Variants in ZNF385D observed in about 807,000 individuals in gnomAD.
ZNF385D encodes the protein zinc finger protein 385D, also known as zinc finger protein 659.
In ZNF385D, 15 loss-of-function variants were observed where a neutral mutation model predicts 35.8. That is an observed-to-expected ratio of 0.42 (90% CI 0.28 to 0.64). The LOEUF (loss-of-function observed/expected upper bound fraction) is 0.64, where lower values mean the gene tolerates loss of function less well. Among genes scored for constraint, ZNF385D ranks in the 30% least tolerant of loss-of-function variants. The pLI is 0.23. For synonymous variants in ZNF385D, 212 were observed against 186.8 expected (o/e 1.13, Z -1.10); for missense variants, 474 against 494.6 (o/e 0.96, Z 0.39).
At chr3:22,002,807 T>C (rs1035845769) in intron 3 of ZNF385D, among the ~76,000 whole-genome samples, 9 of 152,304 alleles carry the variant, frequency 5.9e-5, no homozygotes, top group Non-Finnish European at 1.2e-4. Flanking sequence ...AGAAACATGA[T>C]ACATTACATT....
intron 2 of ZNF385D, among the ~76,000 whole-genome samples, chr3:22,367,029 T>C (rs575155559): frequency 1.1e-4 from 17 of 152,182 alleles, no homozygotes; most frequent in Non-Finnish European, 2.5e-4. Flanking sequence ...ATTTCAAACA[T>C]CTGGCTCTAG....
chr3:22,248,132 C>T (rs1004175458), intron 2 of ZNF385D, among the ~76,000 whole-genome samples: 3 of 152,144 alleles, frequency 2.0e-5, no homozygotes, highest in African/African-American at 7.2e-5. Context: ...TGTTTTCTGG[C>T]ATCAGGCAAA....
intron 3 of ZNF385D, among the ~76,000 whole-genome samples, chr3:22,094,395 T>TATATATATCAACAATATATATTGTTG (rs1701500570): frequency 4.4e-5 from 6 of 136,304 alleles, no homozygotes; most frequent in East Asian, 4.2e-4. Context: ...GATATATATA[T>TATATATATCAACAATATATATTGTTG]ATATATATAT....
intron 2 of ZNF385D, among the ~76,000 whole-genome samples, chr3:21,651,717 A>G (rs1253995958): frequency 1.3e-5 from 2 of 152,164 alleles, no homozygotes; most frequent in Non-Finnish European, 2.9e-5. Context: ...AGTGGGATTA[A>G]TGAGCCTTGC....
chr3:21,986,910 T>C (rs1282863386), intron 3 of ZNF385D, among the ~76,000 whole-genome samples: 2 of 41,736 alleles, frequency 4.8e-5, no homozygotes, highest in Non-Finnish European at 9.0e-5. Flanking sequence ...TTGATCCCTT[T>C]ACCATTATGT....
At chr3:22,254,072 G>A (rs1576569884) in intron 2 of ZNF385D, among the ~76,000 whole-genome samples, 1 of 151,536 alleles carries the variant, frequency 6.6e-6, no homozygotes, top group Non-Finnish European at 1.5e-5. Context: ...CACACAATGG[G>A]GAAAATATTT....
intron 2 of ZNF385D, among the ~76,000 whole-genome samples, chr3:21,642,618 G>A (rs373168392): frequency 3.9e-5 from 6 of 152,060 alleles, no homozygotes; most frequent in Admixed American, 1.3e-4. Context: ...TAACAGTATC[G>A]AAAGTGGTGA....
chr3:22,365,246 TTA>T (rs926938715), intron 2 of ZNF385D, among the ~76,000 whole-genome samples: 3 of 152,030 alleles, frequency 2.0e-5, no homozygotes, highest in African/African-American at 7.2e-5. Context: ...ACATTTCATA[TTA>T]TATATATTTA....
At chr3:22,270,722 G>C (rs1346303125) in intron 2 of ZNF385D, among the ~76,000 whole-genome samples, 1 of 151,826 alleles carries the variant, frequency 6.6e-6, no homozygotes, top group East Asian at 1.9e-4. Flanking sequence ...TTTACTGATA[G>C]AGTTGTACAA....
chr3:22,058,504 C>G (rs1181386346), intron 3 of ZNF385D, among the ~76,000 whole-genome samples: 1 of 152,136 alleles, frequency 6.6e-6, no homozygotes, highest in Non-Finnish European at 1.5e-5. Context: ...CAAAGTGAGG[C>G]AATGTTTCCA....
intron 2 of ZNF385D, among the ~76,000 whole-genome samples, chr3:22,352,628 T>C (rs1695968564): frequency 6.6e-6 from 1 of 152,208 alleles, no homozygotes. Flanking sequence ...CAGGTCTCTA[T>C]AACTTCCTAT....
intron 3 of ZNF385D, among the ~76,000 whole-genome samples, chr3:21,845,842 A>T (rs1357309828): frequency 6.6e-6 from 1 of 152,014 alleles, no homozygotes; most frequent in African/African-American, 2.4e-5. Flanking sequence ...TCAATGTCAG[A>T]TTAAGAAAAT....
chr3:22,094,388 A>ATC (rs1701495878), intron 3 of ZNF385D, among the ~76,000 whole-genome samples: 1 of 57,964 alleles, frequency 1.7e-5, no homozygotes, highest in Non-Finnish European at 4.5e-5. Context: ...TATTGTTGAT[A>ATC]TATATATATA....
At chr3:21,538,303 T>G (rs576946402) in intron 3 of ZNF385D, among the ~76,000 whole-genome samples, 86 of 152,214 alleles carry the variant, frequency 5.6e-4, no homozygotes, top group Non-Finnish European at 9.1e-4. Flanking sequence ...TCTGGAAGTC[T>G]GTATTGATAA....
At chr3:21,962,639 G>A (rs1314135525) in intron 3 of ZNF385D, among the ~76,000 whole-genome samples, 2 of 152,194 alleles carry the variant, frequency 1.3e-5, no homozygotes, top group Non-Finnish European at 2.9e-5. Flanking sequence ...GGGAAATGTG[G>A]TCAATATTTA....
At chr3:22,030,817 A>G (rs993844963) in intron 3 of ZNF385D, among the ~76,000 whole-genome samples, 2 of 152,214 alleles carry the variant, frequency 1.3e-5, no homozygotes, top group African/African-American at 2.4e-5. Flanking sequence ...CCAAAGTGTC[A>G]TCTGAGACAA....
At chr3:22,334,044 A>G (rs1695055029) in intron 2 of ZNF385D, among the ~76,000 whole-genome samples, 1 of 152,226 alleles carries the variant, frequency 6.6e-6, no homozygotes. Context: ...TAGACTAGAA[A>G]CTATACACAT....
intron 3 of ZNF385D, among the ~76,000 whole-genome samples, chr3:21,775,872 CT>C (rs1261049184): frequency 1.3e-5 from 2 of 151,450 alleles, no homozygotes; most frequent in East Asian, 1.9e-4. Flanking sequence ...AAGACATGCT[CT>C]TTTTTAAATA....
chr3:21,929,040 T>G (rs1700879529), intron 3 of ZNF385D, among the ~76,000 whole-genome samples: 1 of 152,118 alleles, frequency 6.6e-6, no homozygotes. Context: ...AAAGCTATAA[T>G]TCAATATCTC....
Sources: allele counts gnomAD v4.1 joint callset (sites outside exome capture counted in the v4.1 genomes callset), GRCh38; gene constraint gnomAD v4.1.1; transcripts MANE v1.5; gene names NCBI Gene and HGNC (gene_info 2026-07-23, HGNC 2026-07-21).